The following NUP133 variants were observed in gnomAD, a reference collection of about 807,000 sequenced individuals.
NUP133 encodes the protein nuclear pore complex protein Nup133.
A neutral mutation model predicts 146.2 loss-of-function variants in NUP133; 66 were observed. The observed-to-expected ratio is 0.45, with a 90% CI of 0.37 to 0.55. The LOEUF (loss-of-function observed/expected upper bound fraction) is 0.55, where lower values mean the gene tolerates loss of function less well. Among genes scored for constraint, NUP133 ranks in the 20% least tolerant of loss-of-function variants. NUP133 has a pLI of 0.00. For missense variants in NUP133, 1,277 were observed against 1,374.8 expected, an observed-to-expected ratio of 0.93 and a Z score of 1.12; for synonymous variants, 521 against 498.8, an observed-to-expected ratio of 1.04 and a Z score of -0.59.
At chr1:229,466,509 G>T in intron 16 of NUP133, 125 bp downstream of exon 16, 2 of 916,196 alleles carry the variant, frequency 2.2e-6, no homozygotes, top group Non-Finnish European at 3.2e-6. Flanking sequence ...TAACTTTTTT[G>T]GGATTAACAA....
At position 229,489,977 on chromosome 1, in the gene NUP133, G is replaced by C; in HGVS notation, c.1172C>G (p.Thr391Ser). ...TACCTGAAAAGGTGGATTATATTGA[G>C]TGACTTCTACAGTAACTGCATCTGA... ...QMSDAVTVEV[T>S]QYNPPFQSED... Residue 391 changes from threonine to serine, a missense_variant, in exon 9 of 26, where the codon ACT (threonine) becomes AGT (serine). By Grantham distance (58) the Thr-to-Ser change is moderately conservative. Around this residue, in one of 3 missense-constraint regions of NUP133, gnomAD observed 952 missense variants for 1,047.0 expected, o/e 0.91. Transcript: ENST00000261396. The C allele has an allele frequency of 6.2e-7, 1 of 1,602,374 alleles. No homozygotes were observed.
intron 12 of NUP133, among the ~76,000 whole-genome samples, chr1:229,478,828 TCA>T (rs1436570916): frequency 1.3e-5 from 2 of 152,170 alleles, no homozygotes; most frequent in Non-Finnish European, 2.9e-5. Flanking sequence ...TAAAGGAGTG[TCA>T]CAGTCTGTTC....
intron 8 of NUP133, among the ~76,000 whole-genome samples, chr1:229,494,338 TATA>T (rs1268982932): frequency 6.6e-6 from 1 of 152,196 alleles, no homozygotes. Context: ...TAAAGGGGCC[TATA>T]ATAATAGTCT....
Position 229,470,746 on chromosome 1 carries a change from C to G in NUP133, c.1910G>C (p.Arg637Pro), listed in dbSNP as rs139018781. The G allele has an allele frequency of 1.6e-5, 26 of 1,614,050 alleles. No homozygotes were observed. The highest frequency in any genetic ancestry group is 2.0e-5 in the Non-Finnish European group (24 of 1,180,054). ...TTCGGCATGCTCACAGAGCAACAGT[C>G]GAGTGGCCATCGGTGTCCCTCTAAC... ...FPVRGTPMATRLLLCEHAEKL... is the reference protein window; with the variant it reads ...FPVRGTPMATPLLLCEHAEKL... Residue 637 changes from arginine to proline, a missense_variant, in exon 15 of 26, where the codon CGA becomes CCA. By Grantham distance (103) the Arg-to-Pro change is moderately radical. Coordinates refer to ENST00000261396, the MANE Select transcript of NUP133 (RefSeq NM_018230.3).
rs1661059607 is a variant in NUP133, at chr1:229,475,744, C to G, written c.1757-12G>C. ...GAACCCAGGTGCTTCTGTTAAAACA[C>G]AGTGATAAAACTTAGAACATAGTGG... On this transcript the variant is annotated splice_polypyrimidine_tract_variant and intron_variant, in intron 13 of 25. Transcript: ENST00000261396. The G allele has an allele frequency of 1.3e-6, 2 of 1,595,974 alleles. No individual in the cohort carries two copies. The highest frequency in any genetic ancestry group is 1.7e-6 in the Non-Finnish European group (2 of 1,163,744).
intron 21 of NUP133, among the ~76,000 whole-genome samples, chr1:229,456,027 TAA>T (rs1660552071): frequency 6.6e-6 from 1 of 152,202 alleles, no homozygotes; most frequent in Non-Finnish European, 1.5e-5. Context: ...TTCATGTTGG[TAA>T]AGTTTTTGAA....
intron 6 of NUP133, among the ~76,000 whole-genome samples, chr1:229,496,712 T>A (rs1661664748): frequency 6.6e-6 from 1 of 152,152 alleles, no homozygotes; most frequent in Admixed American, 6.5e-5. Context: ...CCAGGCGTGG[T>A]GGCTCGTGCT....
rs765743585 is a variant in NUP133, at chr1:229,487,471, G to A, written c.1337C>T (p.Ala446Val). 1.2e-6 allele frequency: 2 copies of A among 1,613,010 alleles called. No individual in the cohort carries two copies. Among genetic ancestry groups the A allele is most frequent in the South Asian group, 1.1e-5 (1 of 90,702 alleles). ...TTCTAAAACTGCTACTGTACCTTGT[G>A]CATTAAAGACAATTTTCTCCTGGGG... ...SLPQEKIVFN[A>V]QGDSVLGAGA... The change falls in exon 10 of 26, where the codon GCA becomes GTA. Residue 446 changes from alanine to valine, a missense_variant. By Grantham distance (64) the Ala-to-Val change is moderately conservative. This residue lies in a region of NUP133 where 952 missense variants were observed against 1,047.0 expected (regional missense o/e 0.91). Transcript: ENST00000261396.
At position 229,460,724 on chromosome 1, in the gene NUP133, G is replaced by A. The variant is rs748634904; in HGVS notation, c.2731C>T (p.Arg911Ter). ...ATGGGCTGAGATAATAATTTGCCTC[G>A]CTTTCCTTTCTCCAGATACCAACGG... Reference protein sequence around the residue: ...LFRWYLEKGKRGKLLSQPISQ... With the variant: ...LFRWYLEKGK Residue 911 changes from arginine (R) to a stop codon, truncating the protein, a stop_gained, in exon 20 of 26, where the codon CGA (arginine) becomes TGA (stop). Transcript: ENST00000261396. LOFTEE classifies it high-confidence loss of function. 3 of 1,613,616 alleles carry A rather than the reference G, an allele frequency of 1.9e-6. No individual in the cohort carries two copies. The highest frequency in any genetic ancestry group is 3.3e-5 in the Admixed American group (2 of 59,976).
rs1478159810 is a variant in NUP133, at chr1:229,449,877, T to TA, written c.3180+647_3180+648insT. The stretch of plus-strand genomic sequence containing the variant: ...TATATATATATATATATATATATTT[T>TA]TTTTTTTTTTTTTTTTTTTTTTGAG... On this transcript the variant is annotated intron_variant, in intron 23 of 25. Coordinates refer to ENST00000261396, the MANE Select transcript of NUP133 (RefSeq NM_018230.3). 6.8e-3 allele frequency among the ~76,000 whole-genome samples: 403 copies of TA among 59,282 alleles called. 6 individuals are homozygous for TA. Among genetic ancestry groups the TA allele is most frequent in the Middle Eastern group, 0.022 (2 of 92 alleles). The allele number at this position is 59,282 out of a possible 152,430, so 38.9% of individuals were successfully genotyped here.
chr1:229,456,828 C>CT (rs34793471), intron 21 of NUP133, among the ~76,000 whole-genome samples: 5,891 of 139,516 alleles, frequency 0.042, 181 homozygotes, highest in Non-Finnish European at 0.062. Flanking sequence ...TAGAGAGAGA[C>CT]TTTTTTTTTT....
chr1:229,496,462 G>C (rs147174021), intron 6 of NUP133, among the ~76,000 whole-genome samples: 75 of 152,230 alleles, frequency 4.9e-4, no homozygotes, highest in African/African-American at 1.7e-3. Flanking sequence ...GACAGAGTGA[G>C]ATTCCATCTC....
intron 13 of NUP133, 151 bp downstream of exon 13, chr1:229,477,446 A>AC (rs1661104777): frequency 1.6e-6 from 1 of 621,524 alleles, no homozygotes; most frequent in Non-Finnish European, 2.5e-6. Flanking sequence ...TCTCAAAAAA[A>AC]AAAAAAAAAA....
At chr1:229,480,852 A>ATTT (rs5781543) in intron 12 of NUP133, among the ~76,000 whole-genome samples, 22 of 125,858 alleles carry the variant, frequency 1.7e-4, no homozygotes, top group African/African-American at 4.7e-4. Context: ...ACACCCAGCT[A>ATTT]TTTTTTTTTT....
chr1:229,479,860 G>A (rs1179691261), intron 12 of NUP133, among the ~76,000 whole-genome samples: 1 of 152,194 alleles, frequency 6.6e-6, no homozygotes, highest in Non-Finnish European at 1.5e-5. Context: ...CATCCTTTCA[G>A]GTGGTTTAGC....
chr1:229,465,802 A>G (rs1279863098), intron 16 of NUP133, among the ~76,000 whole-genome samples: 1 of 150,912 alleles, frequency 6.6e-6, no homozygotes, highest in Non-Finnish European at 1.5e-5. Context: ...AGGCAGGAGG[A>G]CTGCTTGAGC....
intron 2 of NUP133, 69 bp from the exon 3 acceptor site, chr1:229,502,171 A>T: frequency 1.7e-6 from 2 of 1,194,222 alleles, no homozygotes; most frequent in South Asian, 2.5e-5. Flanking sequence ...GCTTTATCAA[A>T]AAAAAGTAAT....
intron 5 of NUP133, among the ~76,000 whole-genome samples, chr1:229,498,870 T>C (rs989396981): frequency 6.6e-6 from 1 of 152,102 alleles, no homozygotes; most frequent in Non-Finnish European, 1.5e-5. Flanking sequence ...AATTAGGTTA[T>C]CAGATTTTAT....
intron 21 of NUP133, 119 bp from the exon 22 acceptor site, chr1:229,452,762 A>G (rs1298481605): frequency 1.6e-6 from 1 of 626,230 alleles, no homozygotes; most frequent in Non-Finnish European, 2.7e-6. Context: ...CCAGAGGTAA[A>G]CCTATCTTTA....
Sources: gnomAD v4.1 joint callset for allele counts (sites outside exome capture counted in the v4.1 genomes callset) on GRCh38, gnomAD v4.1.1 for gene constraint, gnomAD v4.1.1 regional missense constraint, MANE v1.5 for transcripts, NCBI Gene and HGNC (gene_info 2026-07-23, HGNC 2026-07-21) for gene names.